The following B3GALT1 variants were observed in gnomAD, a reference collection of about 807,000 sequenced individuals.
The protein encoded by B3GALT1 is UDP-Gal:betaGlcNAc beta 1,3-galactosyltransferase, polypeptide 1.
B3GALT1 carries 10 observed loss-of-function variants against 23.2 expected under a neutral mutation model. The ratio of observed to expected loss-of-function variants is 0.43; its 90% CI spans 0.27 to 0.73. The LOEUF (loss-of-function observed/expected upper bound fraction) is 0.73, where lower values mean the gene tolerates loss of function less well. B3GALT1 is among the 30% of genes least tolerant of loss of function. The pLI is 0.21. For missense variants in B3GALT1, 299 were observed against 405.4 expected (o/e 0.74, Z 2.25); for synonymous variants, 156 against 141.5 (o/e 1.10, Z -0.73).
At chr2:167,319,319 A>G (rs1029040764) in intron 1 of B3GALT1, among the ~76,000 whole-genome samples, 5 of 152,126 alleles carry the variant, frequency 3.3e-5, no homozygotes, top group African/African-American at 4.8e-5. Context: ...TCTAGTTTAC[A>G]TGTTGCAATT....
chr2:167,297,782 A>G (rs1322243013), intron 1 of B3GALT1, among the ~76,000 whole-genome samples: 1 of 152,150 alleles, frequency 6.6e-6, no homozygotes, highest in Non-Finnish European at 1.5e-5. Flanking sequence ...TTTTCATATT[A>G]GACAGAAGCT....
intron 3 of B3GALT1, among the ~76,000 whole-genome samples, 193 bp downstream of exon 3, chr2:167,647,159 T>G (rs1211844086): frequency 1.3e-5 from 2 of 152,196 alleles, no homozygotes; most frequent in African/African-American, 2.4e-5. Context: ...AGAAAGGAAG[T>G]GGCCATGTTC....
intron 3 of B3GALT1, among the ~76,000 whole-genome samples, chr2:167,654,647 C>T (rs940780229): frequency 6.6e-6 from 1 of 151,964 alleles, no homozygotes; most frequent in African/African-American, 2.4e-5. Context: ...GTGTGCACCA[C>T]CATTCCCAGC....
rs574160061 is a variant in B3GALT1 at position 167,672,646 on chromosome 2, T to C, written c.-352+25680T>C. Among the ~76,000 whole-genome samples, 5 of 152,200 alleles carry C rather than the reference T, an allele frequency of 3.3e-5. No individual in the cohort carries two copies. In the South Asian group the frequency reaches 1.0e-3, roughly 32 times the overall value. On this transcript the variant is annotated intron_variant, in intron 3 of 4. Coordinates refer to ENST00000392690, the MANE Select transcript of B3GALT1 (RefSeq NM_020981.4). ...TGGCCAAATCACTTCACTCATAAAG[T>C]AGAGATAATCAAAAGTACTTACCTT... is the stretch of plus-strand genomic sequence containing the variant.
intron 3 of B3GALT1, among the ~76,000 whole-genome samples, chr2:167,658,810 A>C (rs894513829): frequency 6.6e-6 from 1 of 152,098 alleles, no homozygotes; most frequent in Non-Finnish European, 1.5e-5. Context: ...TAGGAGTGAC[A>C]TATAGGATAT....
chr2:167,459,067 A>G (rs1402569144), intron 1 of B3GALT1, among the ~76,000 whole-genome samples: 1 of 152,150 alleles, frequency 6.6e-6, no homozygotes, highest in African/African-American at 2.4e-5. Flanking sequence ...TCATTTATTC[A>G]GCTAATCTCT....
At chr2:167,715,551 T>G in intron 3 of B3GALT1, 1 of 1,613,898 alleles carries the variant, frequency 6.2e-7, no homozygotes, top group South Asian at 1.1e-5. Flanking sequence ...GATTGTATCC[T>G]TTTTGAAATA....
intron 2 of B3GALT1, among the ~76,000 whole-genome samples, chr2:167,564,293 C>T (rs1488783916): frequency 2.6e-5 from 4 of 151,730 alleles, no homozygotes; most frequent in Admixed American, 2.6e-4. Context: ...CTCCCCCCCT[C>T]CCAGATGTGA....
chr2:167,602,107 A>T (rs1684888132), intron 2 of B3GALT1, among the ~76,000 whole-genome samples: 2 of 152,338 alleles, frequency 1.3e-5, no homozygotes, highest in South Asian at 4.1e-4. Context: ...GATATAGAGT[A>T]TCTGCAATTG....
chr2:167,703,461 A>T (rs1370639019), intron 3 of B3GALT1, among the ~76,000 whole-genome samples: 1 of 150,854 alleles, frequency 6.6e-6, no homozygotes, highest in Non-Finnish European at 1.5e-5. Context: ...TACGTTTTGT[A>T]TTTTTTTTCT....
chr2:167,501,631 A>G (rs1699849585), intron 2 of B3GALT1, among the ~76,000 whole-genome samples: 1 of 151,748 alleles, frequency 6.6e-6, no homozygotes, highest in African/African-American at 2.4e-5. Flanking sequence ...ATGTAAATAT[A>G]AAATCAATTT....
chr2:167,409,186 T>G (rs944986085), intron 1 of B3GALT1, among the ~76,000 whole-genome samples: 1 of 152,188 alleles, frequency 6.6e-6, no homozygotes. Flanking sequence ...CTTAACATGT[T>G]TTCCTTCATT....
chr2:167,450,957 G>A (rs1191142676), intron 1 of B3GALT1, among the ~76,000 whole-genome samples: 4 of 151,872 alleles, frequency 2.6e-5, no homozygotes, highest in Non-Finnish European at 5.9e-5. Flanking sequence ...GAGCTCTGAA[G>A]TTCTTTCTTC....
intron 4 of B3GALT1, among the ~76,000 whole-genome samples, chr2:167,830,751 C>T (rs988578974): frequency 4.6e-5 from 7 of 152,230 alleles, no homozygotes; most frequent in Non-Finnish European, 1.0e-4. Flanking sequence ...GATTCAATCA[C>T]TTTGATTTTA....
At chr2:167,352,340 T>G (rs1697325840) in intron 1 of B3GALT1, among the ~76,000 whole-genome samples, 1 of 150,568 alleles carries the variant, frequency 6.6e-6, no homozygotes, top group Admixed American at 6.6e-5. Flanking sequence ...TATTAAGAGA[T>G]ATGTGAGCAG....
chr2:167,343,614 G>C (rs58721716), intron 1 of B3GALT1, among the ~76,000 whole-genome samples: 2,038 of 152,158 alleles, frequency 0.013, 29 homozygotes, highest in Admixed American at 0.035. Context: ...CTCTTAACCT[G>C]TGTAGGCTGA....
At chr2:167,545,964 T>C (rs1683630038) in intron 2 of B3GALT1, among the ~76,000 whole-genome samples, 1 of 152,218 alleles carries the variant, frequency 6.6e-6, no homozygotes, top group African/African-American at 2.4e-5. Flanking sequence ...ATACATCTTA[T>C]ATACATAGGC....
chr2:167,664,509 G>C (rs966306928), intron 3 of B3GALT1, among the ~76,000 whole-genome samples: 16 of 152,240 alleles, frequency 1.1e-4, no homozygotes, highest in African/African-American at 3.9e-4. Flanking sequence ...AAAGTCATTG[G>C]TAGCTTGATG....
intron 3 of B3GALT1, among the ~76,000 whole-genome samples, chr2:167,809,412 G>A (rs911179908): frequency 1.3e-5 from 2 of 152,074 alleles, no homozygotes; most frequent in African/African-American, 4.8e-5. Flanking sequence ...TATCTTTGTG[G>A]TTTTATCTAC....
Sources: allele counts gnomAD v4.1 joint callset (sites outside exome capture counted in the v4.1 genomes callset), GRCh38; gene constraint gnomAD v4.1.1; transcripts MANE v1.5; gene names NCBI Gene and HGNC (gene_info 2026-07-23, HGNC 2026-07-21).